RGS5: variants seen among roughly 807,000 people sequenced by gnomAD.
RGS5 encodes the protein regulator of G-protein signalling 5.
RGS5 carries 20 observed loss-of-function variants against 18.9 expected under a neutral mutation model. The ratio of observed to expected loss-of-function variants is 1.06; its 90% CI spans 0.74 to 1.54. RGS5 has a LOEUF of 1.54. Ranked by LOEUF, RGS5 falls within the 40% of genes most tolerant of loss-of-function variation. The pLI is 0.00. For synonymous variants in RGS5, 57 were observed against 76.2 expected, an observed-to-expected ratio of 0.75 and a Z score of 1.31; for missense variants, 201 against 211.8, an observed-to-expected ratio of 0.95 and a Z score of 0.32.
At chr1:163,300,937 T>G (rs1649536794) in intron 2 of RGS5, among the ~76,000 whole-genome samples, 1 of 152,140 alleles carries the variant, frequency 6.6e-6, no homozygotes, top group Admixed American at 6.5e-5. Context: ...CGTTGTGTTG[T>G]GCATAGGAAT....
chr1:163,200,350 G>A (rs923592243), intron 1 of RGS5, among the ~76,000 whole-genome samples: 2 of 152,122 alleles, frequency 1.3e-5, no homozygotes, highest in Admixed American at 6.5e-5. Context: ...TTTTCATAAT[G>A]TGTATTTGTT....
At chr1:163,299,051 T>C (rs1253193809) in intron 2 of RGS5, among the ~76,000 whole-genome samples, 2 of 152,166 alleles carry the variant, frequency 1.3e-5, no homozygotes, top group Non-Finnish European at 1.5e-5. Flanking sequence ...CACTGTTTCA[T>C]GGGAATTGTT....
chr1:163,168,271 C>A lies in RGS5; in HGVS notation c.142G>T (p.Ala48Ser). The change falls in exon 2 of 5, where the codon GCC becomes TCC. Residue 48 changes from alanine to serine, a missense_variant. Physicochemically the swap from Ala to Ser is moderately conservative, Grantham distance 99 (BLOSUM62 1). Transcript: ENST00000313961. Reference sequence around the variant, plus strand: ...TTCATGACTCACTTCTGGGTCTTGGCTGGTTTCTCTGGCTTCTCATTGTAC... The same window carrying A: ...TTCATGACTCACTTCTGGGTCTTGGATGGTTTCTCTGGCTTCTCATTGTAC... ...IPYNEKPEKP[A>S]KTQKTSLDEA... is the part of the protein sequence containing the mutation. 1.2e-5 allele frequency: 19 copies of A among 1,613,366 alleles called. No homozygotes were observed. The highest frequency in any genetic ancestry group is 1.6e-5 in the Non-Finnish European group (19 of 1,179,448).
intron 2 of RGS5, among the ~76,000 whole-genome samples, chr1:163,253,271 T>C (rs1189644228): frequency 1.3e-5 from 2 of 152,078 alleles, no homozygotes; most frequent in Non-Finnish European, 2.9e-5. Flanking sequence ...CAATCAAAAC[T>C]GAAAATCAGT....
intron 2 of RGS5, among the ~76,000 whole-genome samples, chr1:163,288,781 T>C: frequency 6.6e-6 from 1 of 152,310 alleles, no homozygotes; most frequent in African/African-American, 2.4e-5. Context: ...TCAACTTGGA[T>C]GACACACAGG....
intron 2 of RGS5, among the ~76,000 whole-genome samples, chr1:163,291,385 T>C (rs1198132140): frequency 2.6e-5 from 4 of 152,138 alleles, no homozygotes; most frequent in Non-Finnish European, 5.9e-5. Context: ...ATTTAGTTTA[T>C]AGTTTAAGTG....
chr1:163,256,393 C>T (rs1046593103), intron 2 of RGS5, among the ~76,000 whole-genome samples: 2 of 152,066 alleles, frequency 1.3e-5, no homozygotes, highest in Non-Finnish European at 2.9e-5. Context: ...ACCTAGGAAT[C>T]CAACTTACAA....
At chr1:163,227,026 C>G (rs1318709344) in intron 2 of RGS5, among the ~76,000 whole-genome samples, 2 of 152,172 alleles carry the variant, frequency 1.3e-5, no homozygotes, top group African/African-American at 4.8e-5. Context: ...TAGCATGGCC[C>G]AAGATATCAC....
chr1:163,151,551 T>C (rs1657375843), intron 4 of RGS5, among the ~76,000 whole-genome samples: 1 of 152,198 alleles, frequency 6.6e-6, no homozygotes, highest in South Asian at 2.1e-4. Context: ...GTGGCAATAA[T>C]TGAATCATGG....
At chr1:163,254,565 A>G (rs891795186) in intron 2 of RGS5, among the ~76,000 whole-genome samples, 1 of 152,096 alleles carries the variant, frequency 6.6e-6, no homozygotes, top group African/African-American at 2.4e-5. Flanking sequence ...TCAGTTGAGT[A>G]GGTTGTGAAA....
intron 1 of RGS5, among the ~76,000 whole-genome samples, chr1:163,201,840 T>G (rs1282805132): frequency 6.6e-6 from 1 of 152,186 alleles, no homozygotes; most frequent in Non-Finnish European, 1.5e-5. Context: ...TGAACATCTG[T>G]GCAAGGATCT....
At chr1:163,319,731 G>A (rs1206822701) in intron 1 of RGS5, among the ~76,000 whole-genome samples, 2 of 152,164 alleles carry the variant, frequency 1.3e-5, no homozygotes, top group Non-Finnish European at 2.9e-5. Flanking sequence ...TAGCAGGAGG[G>A]CTGTCAGGGA....
At chr1:163,196,109 CGT>C (rs1213529116) in intron 1 of RGS5, among the ~76,000 whole-genome samples, 1 of 152,152 alleles carries the variant, frequency 6.6e-6, no homozygotes, top group East Asian at 1.9e-4. Context: ...CTTCCTCGAT[CGT>C]TAGAAACAAT....
intron 2 of RGS5, among the ~76,000 whole-genome samples, chr1:163,263,679 A>T (rs1448080367): frequency 6.6e-6 from 1 of 151,996 alleles, no homozygotes; most frequent in East Asian, 1.9e-4. Flanking sequence ...AAATTACCAT[A>T]ATGTTGTCTA....
chr1:163,287,075 T>G (rs569136860), intron 2 of RGS5, among the ~76,000 whole-genome samples: 1 of 152,328 alleles, frequency 6.6e-6, no homozygotes, highest in Non-Finnish European at 1.5e-5. Context: ...CTCTCAGTTT[T>G]CATTTATTTC....
chr1:163,278,332 G>T (rs12759707), intron 2 of RGS5, among the ~76,000 whole-genome samples: 22,266 of 152,074 alleles, frequency 0.15, 1,957 homozygotes, highest in Non-Finnish European at 0.19. Context: ...GCTGTGAAAA[G>T]TGCTGAAAGA....
At chr1:163,241,026 C>T (rs1351147720) in intron 2 of RGS5, among the ~76,000 whole-genome samples, 1 of 152,154 alleles carries the variant, frequency 6.6e-6, no homozygotes, top group East Asian at 1.9e-4. Context: ...CTCTTCATGG[C>T]TTGCTTCCTT....
chr1:163,215,971 T>C (rs1158635525), intron 1 of RGS5, among the ~76,000 whole-genome samples: 1 of 152,088 alleles, frequency 6.6e-6, no homozygotes, highest in Non-Finnish European at 1.5e-5. Context: ...TGCAGACACC[T>C]AAACCTTTTT....
intron 3 of RGS5, among the ~76,000 whole-genome samples, chr1:163,158,715 A>G (rs1657683416): frequency 6.6e-6 from 1 of 152,202 alleles, no homozygotes; most frequent in Admixed American, 6.5e-5. Flanking sequence ...TCACAGGACC[A>G]CAGGACCACA....
Sources: allele counts gnomAD v4.1 joint callset (sites outside exome capture counted in the v4.1 genomes callset), GRCh38; gene constraint gnomAD v4.1.1; transcripts MANE v1.5; gene names NCBI Gene and HGNC (gene_info 2026-07-23, HGNC 2026-07-21).